The following SLC38A9 variants were observed in gnomAD, a reference collection of about 807,000 sequenced individuals.
The protein encoded by SLC38A9 is solute carrier family 38 member 9.
In SLC38A9, 48 loss-of-function variants were observed where a neutral mutation model predicts 62.3. The ratio of observed to expected loss-of-function variants is 0.77; its 90% CI spans 0.61 to 0.98. SLC38A9 has a LOEUF of 0.98. Ranked by LOEUF, SLC38A9 falls within the 50% of genes least tolerant of loss-of-function variation. The pLI, the probability that SLC38A9 is intolerant of heterozygous loss-of-function variation, is 0.00. For missense variants in SLC38A9, 541 were observed against 679.8 expected, an observed-to-expected ratio of 0.80 and a Z score of 2.27; for synonymous variants, 204 against 227.7, an observed-to-expected ratio of 0.90 and a Z score of 0.94.
At position 55,712,217 on chromosome 5, in the gene SLC38A9, C is replaced by G. The variant is rs1580477611; in HGVS notation, c.-83G>C. The stretch of plus-strand genomic sequence containing the variant: ...TGCTAGACGTGGGAACGTGATCTAC[C>G]TGAGCAGGCCGAGCCTTCAACCTCG... On this transcript the variant is annotated splice_region_variant and 5_prime_UTR_variant, in exon 1 of 16. Transcript: ENST00000396865. 6.6e-6 allele frequency: 1 copy of G among 152,566 alleles called. No homozygotes were observed. Among genetic ancestry groups the G allele is most frequent in the East Asian group, 1.9e-4 (1 of 5,182 alleles). 9.5% of individuals were successfully genotyped at this position (152,566 alleles called of 1,614,324 possible). A position where few individuals can be genotyped will look rare whatever the true frequency, so the allele number is the denominator to read the frequency against.
chr5:55,627,794 A>G (rs751865727), intron 15 of SLC38A9, 97 bp downstream of exon 15: 2 of 751,922 alleles, frequency 2.7e-6, no homozygotes, highest in South Asian at 1.8e-5. Context: ...ACTCATAGGA[A>G]TTTCATACAA....
intron 11 of SLC38A9, 84 bp downstream of exon 11, chr5:55,649,123 A>G (rs893229800): frequency 7.2e-5 from 48 of 666,206 alleles, no homozygotes; most frequent in Non-Finnish European, 1.1e-4. Context: ...AGCATAAAAA[A>G]AAAATCATTA....
At chr5:55,658,361 C>A (rs892918545) in intron 8 of SLC38A9, among the ~76,000 whole-genome samples, 1 of 152,164 alleles carries the variant, frequency 6.6e-6, no homozygotes, top group African/African-American at 2.4e-5. Context: ...ACCATGTTGG[C>A]CAGGCTGGTC....
Position 55,669,568 on chromosome 5 carries a change from C to T in SLC38A9, c.421G>A (p.Gly141Ser), listed in dbSNP as rs775612256. 1 of 1,608,016 alleles carries T rather than the reference C, an allele frequency of 6.2e-7. No homozygotes were observed. Among genetic ancestry groups the T allele is most frequent in the South Asian group, 1.1e-5 (1 of 89,388 alleles). ...AAAATTAGTATTACCTGTTTTATGC[C>T]CCAAGGAATGCTTAGTATAGATGTT... is the stretch of plus-strand genomic sequence containing the variant. ...MGTSILSIPW[G>S]IKQAGFTTGM... Residue 141 changes from glycine to serine, a missense_variant, in exon 6 of 16, where the codon GGC (glycine) becomes AGC (serine). Physicochemically the swap from Gly to Ser is moderately conservative, Grantham distance 56 (BLOSUM62 0). Transcript: ENST00000396865.
intron 8 of SLC38A9, among the ~76,000 whole-genome samples, chr5:55,664,321 T>G (rs1426942810): frequency 1.3e-5 from 2 of 152,152 alleles, no homozygotes; most frequent in Non-Finnish European, 2.9e-5. Context: ...TCCATTATTC[T>G]TTGACTTCCT....
At chr5:55,647,450 A>C (rs35553421) in intron 11 of SLC38A9, among the ~76,000 whole-genome samples, 3 of 151,936 alleles carry the variant, frequency 2.0e-5, no homozygotes, top group Non-Finnish European at 2.9e-5. Context: ...AAGTCCACTG[A>C]CTCTGCTATA....
chr5:55,627,127 CAG>C (rs958358987), intron 15 of SLC38A9, among the ~76,000 whole-genome samples: 18 of 152,270 alleles, frequency 1.2e-4, no homozygotes, highest in African/African-American at 4.1e-4. Flanking sequence ...GAGACTGTGA[CAG>C]AGAAATATGC....
intron 12 of SLC38A9, 124 bp downstream of exon 12, chr5:55,645,665 T>G: frequency 2.8e-6 from 2 of 721,162 alleles, no homozygotes; most frequent in Non-Finnish European, 4.6e-6. Context: ...TGGTTTAAGT[T>G]TAAAAATTAA....
At chr5:55,704,609 G>C (rs1757062899) in intron 2 of SLC38A9, among the ~76,000 whole-genome samples, 1 of 152,142 alleles carries the variant, frequency 6.6e-6, no homozygotes, top group Non-Finnish European at 1.5e-5. Flanking sequence ...GAATTGTTAA[G>C]AAATGCTAGA....
chr5:55,652,683 G>A lies in SLC38A9; in HGVS notation c.798C>T (p.Asn266=). ...CATTGGCATAGAAAATCATAGAGCTGTTGTCAGGATGGCCTCCACTCCCGG... is the reference window on the plus strand; with the variant it reads ...CATTGGCATAGAAAATCATAGAGCTATTGTCAGGATGGCCTCCACTCCCGG... ...PSAGSGGHPD[N]SSMIFYANDT... The change falls in exon 10 of 16, where the codon AAC becomes AAT. Residue 266 remains asparagine, a synonymous_variant. Coordinates refer to ENST00000396865, the MANE Select transcript of SLC38A9 (RefSeq NM_173514.4). The A allele has an allele frequency of 1.2e-6, 2 of 1,613,250 alleles. No homozygotes were observed. Among genetic ancestry groups the A allele is most frequent in the Non-Finnish European group, 1.7e-6 (2 of 1,179,464 alleles).
chr5:55,674,072 T>C (rs1751747876), intron 3 of SLC38A9, among the ~76,000 whole-genome samples: 1 of 152,244 alleles, frequency 6.6e-6, no homozygotes, highest in African/African-American at 2.4e-5. Context: ...TAATTTCTGC[T>C]ATTTTTCTTA....
chr5:55,686,344 T>C (rs1256445715), intron 3 of SLC38A9, among the ~76,000 whole-genome samples: 1 of 152,224 alleles, frequency 6.6e-6, no homozygotes, highest in East Asian at 1.9e-4. Context: ...TGGTATTTCA[T>C]TGTGGTTTTG....
At chr5:55,628,438 A>AGAAT (rs1430654739) in intron 14 of SLC38A9, among the ~76,000 whole-genome samples, 1 of 152,240 alleles carries the variant, frequency 6.6e-6, no homozygotes, top group Non-Finnish European at 1.5e-5. Flanking sequence ...TAGGCAATTC[A>AGAAT]GAAAAAAAGC....
intron 7 of SLC38A9, among the ~76,000 whole-genome samples, chr5:55,668,055 C>T (rs1750755639): frequency 6.6e-6 from 1 of 152,130 alleles, no homozygotes; most frequent in Admixed American, 6.5e-5. Context: ...ACCTGTAGTC[C>T]CAGCTACCTG....
In SLC38A9 at chr5:55,627,944, C is replaced by T. The variant is rs757972756; in HGVS notation, c.1467G>A (p.Val489=). ...AACAGGCCATGATCACTCCAGCTCCCACAATAATTAGATTAAGAATCAGCA... is the reference window on the plus strand; with the variant it reads ...AACAGGCCATGATCACTCCAGCTCCTACAATAATTAGATTAAGAATCAGCA... ...FHVLILNLII[V]GAGVIMACFY... is the part of the protein sequence containing the mutation. Residue 489 remains valine, a synonymous_variant, in exon 15 of 16, where the codon GTG becomes GTA. Transcript: ENST00000396865. 1.9e-6 allele frequency: 3 copies of T among 1,612,142 alleles called. No homozygotes were observed. Among genetic ancestry groups the T allele is most frequent in the South Asian group, 1.1e-5 (1 of 90,768 alleles).
chr5:55,637,689 C>A (rs1374930224), intron 12 of SLC38A9, among the ~76,000 whole-genome samples: 1 of 152,162 alleles, frequency 6.6e-6, no homozygotes, highest in Non-Finnish European at 1.5e-5. Flanking sequence ...GCCACACTGG[C>A]TTTATTAAGT....
rs1491005245 is a variant in SLC38A9 at position 55,671,503 on chromosome 5, TTC to T, written c.246+1058_246+1059del. On this transcript the variant is annotated intron_variant, in intron 4 of 15. Coordinates refer to ENST00000396865, the MANE Select transcript of SLC38A9 (RefSeq NM_173514.4). ...GTGTACATATTTCAGTTTCCCATTC[TTC>T]TTTTTTTTTTTTTTTAAGAGATGGG... Among the ~76,000 whole-genome samples the T allele has an allele frequency of 2.6e-4, 7 of 26,846 alleles. 2 individuals carry two copies. The highest frequency in any genetic ancestry group is 6.4e-4 in the Non-Finnish European group (5 of 7,818). The allele number at this position is 26,846 out of a possible 152,430, so 17.6% of individuals were successfully genotyped here.
chr5:55,711,157 G>A (rs1355543503), intron 2 of SLC38A9, among the ~76,000 whole-genome samples: 1 of 151,800 alleles, frequency 6.6e-6, no homozygotes, highest in African/African-American at 2.4e-5. Context: ...GCGGGGCGTG[G>A]TGGCGGGCAG....
intron 2 of SLC38A9, among the ~76,000 whole-genome samples, chr5:55,710,080 A>G (rs1449099993): frequency 4.2e-5 from 4 of 94,828 alleles, no homozygotes; most frequent in Non-Finnish European, 1.0e-4. Flanking sequence ...AAAAAAAAAA[A>G]AAAAAGAAAA....
Sources: gnomAD v4.1 joint callset for allele counts (sites outside exome capture counted in the v4.1 genomes callset) on GRCh38, gnomAD v4.1.1 for gene constraint, MANE v1.5 for transcripts, NCBI Gene and HGNC (gene_info 2026-07-23, HGNC 2026-07-21) for gene names.